ABR: variants seen among roughly 807,000 people sequenced by gnomAD.
The protein encoded by ABR is ABR activator of RhoGEF and GTPase.
ABR carries 35 observed loss-of-function variants against 107.2 expected under a neutral mutation model. That is an observed-to-expected ratio of 0.33 (90% CI 0.25 to 0.43). The LOEUF is 0.43. Among genes scored for constraint, ABR ranks in the 20% least tolerant of loss-of-function variants. The pLI, the probability that ABR is intolerant of heterozygous loss-of-function variation, is 1.00. For synonymous variants in ABR, 498 were observed against 462.0 expected (o/e 1.08, Z -1.00); for missense variants, 815 against 1,115.2 (o/e 0.73, Z 3.83).
chr17:1,006,409 AG>A (rs2070039130), intron 22 of ABR, among the ~76,000 whole-genome samples: 1 of 152,180 alleles, frequency 6.6e-6, no homozygotes, highest in Admixed American at 6.5e-5. Flanking sequence ...AGGCGGCCAC[AG>A]TCCGGCCCCT....
intron 2 of ABR, among the ~76,000 whole-genome samples, chr17:1,113,544 C>T (rs2038837527): frequency 6.6e-6 from 1 of 152,038 alleles, no homozygotes; most frequent in African/African-American, 2.4e-5. Context: ...GCCTCGGCCT[C>T]CCAAAGGGCT....
intron 16 of ABR, among the ~76,000 whole-genome samples, chr17:1,029,122 CAG>C (rs1481221094): frequency 2.7e-5 from 4 of 148,084 alleles, no homozygotes; most frequent in Non-Finnish European, 6.0e-5. Context: ...AAAAAACAAA[CAG>C]GGAAAAGGAA....
At chr17:1,144,771 G>A (rs1383592358) in intron 1 of ABR, among the ~76,000 whole-genome samples, 1 of 151,988 alleles carries the variant, frequency 6.6e-6, no homozygotes. Flanking sequence ...GCTTCTGCCT[G>A]TAATCCCAGC....
intron 6 of ABR, among the ~76,000 whole-genome samples, chr17:1,076,324 C>T (rs1281051610): frequency 6.6e-6 from 1 of 152,178 alleles, no homozygotes; most frequent in Non-Finnish European, 1.5e-5. Context: ...GGGGTATCCT[C>T]GGCACTGAGG....
At chr17:1,172,964 C>T (rs1416712144) in intron 1 of ABR, among the ~76,000 whole-genome samples, 1 of 103,244 alleles carries the variant, frequency 9.7e-6, no homozygotes, top group African/African-American at 2.8e-5. Context: ...CCCCCATCAC[C>T]TCAGCCCACC....
chr17:1,018,207 T>C (rs1373536810), intron 16 of ABR, among the ~76,000 whole-genome samples: 2 of 151,796 alleles, frequency 1.3e-5, no homozygotes, highest in East Asian at 2.0e-4. Context: ...CACCCCCGGC[T>C]AATTTTTTGT....
intron 6 of ABR, 32 bp from the exon 7 acceptor site, chr17:1,073,709 G>C: frequency 1.9e-6 from 3 of 1,582,490 alleles, no homozygotes; most frequent in Non-Finnish European, 2.6e-6. Context: ...AGGAGGAAGA[G>C]GATGATGGAC....
intron 3 of ABR, among the ~76,000 whole-genome samples, chr17:1,096,647 C>G (rs2037446061): frequency 6.6e-6 from 1 of 152,086 alleles, no homozygotes; most frequent in African/African-American, 2.4e-5. Flanking sequence ...AAGAAAGAGC[C>G]AAGCAGGGGC....
At chr17:1,173,246 C>CCCCG (rs2151606104) in intron 1 of ABR, among the ~76,000 whole-genome samples, 2 of 135,832 alleles carry the variant, frequency 1.5e-5, no homozygotes, top group Admixed American at 1.5e-4. Flanking sequence ...GCCCACCCAA[C>CCCCG]ACATCACCTC....
Position 1,200,546 on chromosome 17 carries a change from A to G in ABR, c.838+28247T>C, listed in dbSNP as rs1207555443. ...ACAGGTGTAATTGGAGTGGCTCTCC[A>G]GACTGTGCCCAGGAATTTCTCAGCC... is the stretch of plus-strand genomic sequence containing the variant. On this transcript the variant is annotated intron_variant, in intron 1 of 22. Transcript: ENST00000574139. The surrounding 1 kb of genome is among the most constrained non-coding windows in gnomAD (Gnocchi z 4.1). 1.3e-5 allele frequency among the ~76,000 whole-genome samples: 2 copies of G among 151,878 alleles called. No homozygotes were observed. The highest frequency in any genetic ancestry group is 2.9e-5 in the Non-Finnish European group (2 of 67,978).
At chr17:1,039,359 T>C (rs1344018622) in intron 16 of ABR, among the ~76,000 whole-genome samples, 1 of 152,080 alleles carries the variant, frequency 6.6e-6, no homozygotes, top group Admixed American at 6.6e-5. Flanking sequence ...GCTCCCAAAA[T>C]CAGGAACACC....
chr17:1,039,036 G>A (rs369110282), intron 16 of ABR, among the ~76,000 whole-genome samples: 4 of 152,170 alleles, frequency 2.6e-5, no homozygotes, highest in African/African-American at 4.8e-5. Flanking sequence ...GAGGTTGGCC[G>A]GCTAAGATCA....
At chr17:1,113,184 G>A (rs1429828980) in intron 2 of ABR, among the ~76,000 whole-genome samples, 1 of 152,180 alleles carries the variant, frequency 6.6e-6, no homozygotes, top group Non-Finnish European at 1.5e-5. Context: ...TGTCAAGGGA[G>A]GGGCAAGGCC....
chr17:1,061,586 G>A (rs2033933281), intron 10 of ABR, among the ~76,000 whole-genome samples: 1 of 151,236 alleles, frequency 6.6e-6, no homozygotes. Flanking sequence ...TCACTCTGTT[G>A]CCCAGGCTGG....
intron 1 of ABR, among the ~76,000 whole-genome samples, chr17:1,152,467 T>C (rs1046741217): frequency 6.6e-6 from 1 of 150,592 alleles, no homozygotes; most frequent in Non-Finnish European, 1.5e-5. Context: ...GGTGCGTGCC[T>C]GTAATCTCAG....
chr17:1,156,883 C>T (rs994624126), intron 1 of ABR, among the ~76,000 whole-genome samples: 2 of 152,132 alleles, frequency 1.3e-5, no homozygotes, highest in African/African-American at 4.8e-5. Context: ...TGAGAAGTGG[C>T]TCTTCCGTCC....
chr17:1,009,498 C>T (rs899588153), intron 21 of ABR, among the ~76,000 whole-genome samples, 181 bp downstream of exon 21: 3 of 152,208 alleles, frequency 2.0e-5, no homozygotes, highest in Non-Finnish European at 4.4e-5. Context: ...CAAACTCTCA[C>T]TCCCCACAGA....
chr17:1,106,686 C>T (rs375290931), intron 2 of ABR, among the ~76,000 whole-genome samples: 3 of 152,088 alleles, frequency 2.0e-5, no homozygotes, highest in East Asian at 1.9e-4. Flanking sequence ...CCCACCACTA[C>T]GCCCGGCTAA....
chr17:1,191,202 C>G (rs953239205), upstream of ABR, among the ~76,000 whole-genome samples: 5 of 152,096 alleles, frequency 3.3e-5, no homozygotes, highest in Non-Finnish European at 7.3e-5. Context: ...TCTCGGGCCT[C>G]GAGTTTGTAA....
Sources: gnomAD v4.1 joint callset for allele counts (sites outside exome capture counted in the v4.1 genomes callset) on GRCh38, gnomAD v4.1.1 for gene constraint, Gnocchi (gnomAD v3.1) non-coding constraint, MANE v1.5 for transcripts, NCBI Gene and HGNC (gene_info 2026-07-23, HGNC 2026-07-21) for gene names.